CDH6: variants seen among roughly 807,000 people sequenced by gnomAD.
The protein encoded by CDH6 is cadherin 6.
Under a neutral mutation model 78.0 loss-of-function variants are expected in CDH6, and 31 were observed. That is an observed-to-expected ratio of 0.40 (90% CI 0.30 to 0.54). The LOEUF (loss-of-function observed/expected upper bound fraction) is 0.54, where lower values mean the gene tolerates loss of function less well. CDH6 is among the 20% of genes least tolerant of loss of function. The pLI is 0.56. For missense variants in CDH6, 724 were observed against 975.9 expected (o/e 0.74, Z 3.44); for synonymous variants, 376 against 368.8 (o/e 1.02, Z -0.23).
At chr5:31,207,267 C>G (rs1740553804) in intron 1 of CDH6, among the ~76,000 whole-genome samples, 1 of 152,158 alleles carries the variant, frequency 6.6e-6, no homozygotes, top group South Asian at 2.1e-4. Flanking sequence ...GAATTCAGGT[C>G]TTTTAGTCAT....
chr5:31,241,671 T>C (rs1051016352), intron 1 of CDH6, among the ~76,000 whole-genome samples: 3 of 152,212 alleles, frequency 2.0e-5, no homozygotes, highest in South Asian at 4.1e-4. Flanking sequence ...AGCCCTGGCA[T>C]CATCAGCATT....
intron 1 of CDH6, among the ~76,000 whole-genome samples, chr5:31,220,296 C>T (rs1318239550): frequency 6.6e-6 from 1 of 152,114 alleles, no homozygotes; most frequent in Non-Finnish European, 1.5e-5. Flanking sequence ...AATGTGAGAA[C>T]TCAGGAAGCA....
chr5:31,270,900 C>A (rs371097189), intron 2 of CDH6, among the ~76,000 whole-genome samples: 1 of 152,172 alleles, frequency 6.6e-6, no homozygotes, highest in South Asian at 2.1e-4. Flanking sequence ...TCAGCTCCCC[C>A]CTGCAATCCA....
chr5:31,262,231 T>C (rs1330050511), intron 1 of CDH6, among the ~76,000 whole-genome samples: 1 of 152,230 alleles, frequency 6.6e-6, no homozygotes, highest in African/African-American at 2.4e-5. Context: ...GATATTGAAG[T>C]ACATATGCAT....
chr5:31,225,767 C>G (rs1241098867), intron 1 of CDH6, among the ~76,000 whole-genome samples: 1 of 152,184 alleles, frequency 6.6e-6, no homozygotes, highest in Non-Finnish European at 1.5e-5. Flanking sequence ...GGTGGGGACA[C>G]AGAGCCAAAC....
chr5:31,221,031 G>A (rs368294889), intron 1 of CDH6, among the ~76,000 whole-genome samples: 2 of 152,122 alleles, frequency 1.3e-5, no homozygotes, highest in African/African-American at 2.4e-5. Flanking sequence ...GGCTGTTCAG[G>A]GGGGAGACAT....
chr5:31,292,456 C>G (rs1737398169), intron 2 of CDH6, among the ~76,000 whole-genome samples: 1 of 151,894 alleles, frequency 6.6e-6, no homozygotes, highest in Non-Finnish European at 1.5e-5. Context: ...CTCTTTTTGC[C>G]CTAAGAGTCT....
chr5:31,275,430 C>T lies in CDH6; in HGVS notation c.228+7729C>T, dbSNP rs118059841. On this transcript the variant is annotated intron_variant, in intron 2 of 11. Transcript: ENST00000265071. ...CCATGAGTACCCGATGTTTAGCTCC[C>T]GCTTATAAGTGAGAACATGCCATAT... Among the ~76,000 whole-genome samples, 55 of 152,268 alleles carry T rather than the reference C, an allele frequency of 3.6e-4. No homozygotes were observed. In the East Asian group the frequency reaches 9.3e-3, roughly 26 times the overall value.
intron 1 of CDH6, among the ~76,000 whole-genome samples, chr5:31,219,236 C>T (rs1740943554): frequency 1.3e-5 from 2 of 152,088 alleles, no homozygotes; most frequent in Admixed American, 6.6e-5. Flanking sequence ...ACAAGATAAG[C>T]CATCAGATTT....
rs509963 is a variant in CDH6 at position 31,324,982 on chromosome 5, A to T, written c.*1674A>T. On this transcript the variant is annotated 3_prime_UTR_variant, in exon 12 of 12. Transcript: ENST00000265071. The stretch of plus-strand genomic sequence containing the variant: ...TTATTAGTCTTAGGGATTTATTTTC[A>T]ATTAATATTAATTTTCTACAAATAA... 0.011 allele frequency: 2,189 copies of T among 204,704 alleles called. 47 individuals are homozygous for T. The highest frequency in any genetic ancestry group is 0.046 in the African/African-American group (2,021 of 43,922). The allele number at this position is 204,704 out of a possible 1,614,324, so 12.7% of individuals were successfully genotyped here. A position where few individuals can be genotyped will look rare whatever the true frequency, so the allele number is the denominator to read the frequency against.
At chr5:31,284,371 A>G (rs974926561) in intron 2 of CDH6, among the ~76,000 whole-genome samples, 52 of 152,200 alleles carry the variant, frequency 3.4e-4, no homozygotes, top group African/African-American at 1.2e-3. Context: ...GTCAAATAAC[A>G]CATACAAAGA....
rs370838775 is a variant in CDH6 at position 31,305,347 on chromosome 5, A to G, written c.1173A>G (p.Gln391=). The change falls in exon 7 of 12, where the codon CAA becomes CAG. Residue 391 remains glutamine, a synonymous_variant. Transcript: ENST00000265071. ...TCAGCAAACTGGCCTACATCTTACA[A>G]ATAAGAGAAGATGCTCAGATAAACA... ...PVFSKLAYIL[Q]IREDAQINTT... 1.1e-4 allele frequency: 172 copies of G among 1,613,968 alleles called. No homozygotes were observed. The highest frequency in any genetic ancestry group is 1.4e-4 in the Non-Finnish European group (163 of 1,179,914).
chr5:31,225,912 G>A (rs772653599), intron 1 of CDH6, among the ~76,000 whole-genome samples: 11 of 152,114 alleles, frequency 7.2e-5, no homozygotes, highest in East Asian at 1.9e-4. Context: ...CTAAAATTGC[G>A]TAGCTGGTAA....
intron 4 of CDH6, among the ~76,000 whole-genome samples, chr5:31,298,238 A>G (rs1434122838): frequency 1.3e-5 from 2 of 152,196 alleles, no homozygotes; most frequent in East Asian, 3.8e-4. Context: ...TTTTATCATA[A>G]TGAGTCAATT....
chr5:31,293,925 G>T, intron 2 of CDH6, 37 bp from the exon 3 acceptor site: 2 of 1,416,662 alleles, frequency 1.4e-6, no homozygotes, highest in South Asian at 2.6e-5. Flanking sequence ...CCACATGCTT[G>T]ACTTTTACTT....
rs572519951 is a variant in CDH6, at chr5:31,197,000, A to C, written c.-129+3114A>C. ...CAACAAGAAAAGAAATATTTGCAGG[A>C]AAAAAAAGTGCAATGACTGTTTCAG... On this transcript the variant is annotated intron_variant, in intron 1 of 11. Transcript: ENST00000265071. 4.6e-5 allele frequency among the ~76,000 whole-genome samples: 7 copies of C among 151,424 alleles called. No individual in the cohort carries two copies. The East Asian group carries it at 1.4e-3, about 30-fold the overall frequency.
At chr5:31,317,983 T>A in intron 11 of CDH6, 59 bp downstream of exon 11, 1 of 1,587,450 alleles carries the variant, frequency 6.3e-7, no homozygotes, top group East Asian at 2.2e-5. Context: ...ACTGTTACTG[T>A]GACACTCTAG....
chr5:31,254,251 A>G (rs1741990768), intron 1 of CDH6, among the ~76,000 whole-genome samples: 1 of 152,234 alleles, frequency 6.6e-6, no homozygotes, highest in Admixed American at 6.5e-5. Context: ...AAAGTGCAAA[A>G]GTAGTGATAC....
intron 1 of CDH6, among the ~76,000 whole-genome samples, chr5:31,222,465 T>G (rs2111833706): frequency 6.6e-6 from 1 of 152,252 alleles, no homozygotes; most frequent in Admixed American, 6.5e-5. Context: ...CTACAGAAAG[T>G]TTTTTTAATT....
Sources: allele counts gnomAD v4.1 joint callset (sites outside exome capture counted in the v4.1 genomes callset), GRCh38; gene constraint gnomAD v4.1.1; transcripts MANE v1.5; gene names NCBI Gene and HGNC (gene_info 2026-07-23, HGNC 2026-07-21).